Variants in ZNF568 observed in about 807,000 individuals in gnomAD.
The protein encoded by ZNF568 is zinc finger protein 568, also known as p53 inhibitor of SCO2 activation.
Under a neutral mutation model 18.1 loss-of-function variants are expected in ZNF568, and 11 were observed. The observed-to-expected ratio is 0.61, with a 90% CI of 0.38 to 1.00. ZNF568 has a LOEUF of 1.00. ZNF568 is among the 50% of genes least tolerant of loss of function. The probability of loss-of-function intolerance (pLI) is 0.01; values close to 1 mark genes in which losing one functional copy is unlikely to be tolerated. For synonymous variants in ZNF568, 213 were observed against 246.6 expected, an observed-to-expected ratio of 0.86 and a Z score of 1.28; for missense variants, 639 against 768.2, an observed-to-expected ratio of 0.83 and a Z score of 1.99.
intron 6 of ZNF568, among the ~76,000 whole-genome samples, chr19:36,958,291 G>T (rs1207014645): frequency 6.6e-6 from 1 of 152,104 alleles, no homozygotes; most frequent in Non-Finnish European, 1.5e-5. Context: ...TGGCCTCATA[G>T]ACTGAGTTAG....
At chr19:36,965,704 CTT>C (rs34377774) in intron 6 of ZNF568, among the ~76,000 whole-genome samples, 5 of 119,672 alleles carry the variant, frequency 4.2e-5, no homozygotes, top group Middle Eastern at 4.5e-3. Flanking sequence ...TGATCAAGGA[CTT>C]TTTTTTTTTT....
chr19:36,938,380 G>A (rs2073824531), intron 6 of ZNF568, among the ~76,000 whole-genome samples: 1 of 152,110 alleles, frequency 6.6e-6, no homozygotes. Context: ...CAGTGAGGTG[G>A]TAGGATATCA....
chr19:36,968,330 T>C (rs1404578523), intron 6 of ZNF568, among the ~76,000 whole-genome samples: 1 of 151,972 alleles, frequency 6.6e-6, no homozygotes, highest in African/African-American at 2.4e-5. Context: ...ATCCCAACAC[T>C]TTGGGAGGCC....
At chr19:36,976,587 A>G (rs2074286840) in intron 7 of ZNF568, among the ~76,000 whole-genome samples, 2 of 152,206 alleles carry the variant, frequency 1.3e-5, no homozygotes, top group Admixed American at 6.5e-5. Flanking sequence ...GAGGAAATCA[A>G]GTCACTCGCC....
chr19:36,949,408 C>T, intron 6 of ZNF568, 104 bp from the exon 7 acceptor site: 1 of 1,220,458 alleles, frequency 8.2e-7, no homozygotes, highest in Non-Finnish European at 1.1e-6. Flanking sequence ...GTTGACTAGG[C>T]CAACATCAAA....
At chr19:36,954,948 C>T (rs572494582), downstream of ZNF568, among the ~76,000 whole-genome samples, 140 of 150,730 alleles carry the variant, frequency 9.3e-4, no homozygotes, top group Admixed American at 1.5e-3. Context: ...AGCATGATCT[C>T]GGTTCACTGC....
downstream of ZNF568, among the ~76,000 whole-genome samples, chr19:36,980,959 G>C (rs2074326559): frequency 6.6e-6 from 1 of 152,100 alleles, no homozygotes; most frequent in Non-Finnish European, 1.5e-5. Flanking sequence ...TAACAGACGT[G>C]GTCTTAGGGG....
chr19:36,985,685 G>T (rs900715368), intron 2 of ZNF568, among the ~76,000 whole-genome samples: 1 of 152,052 alleles, frequency 6.6e-6, no homozygotes. Context: ...ACCATGCCCG[G>T]CTAATTTTTG....
chr19:36,950,539 T>A lies in ZNF568; in HGVS notation c.1386T>A (p.Ile462=), dbSNP rs200958624. Residue 462 remains isoleucine (I), a synonymous_variant, in exon 7 of 7, where the codon ATT becomes ATA. Transcript: ENST00000333987. ...GKAFSRKENL[I]THQKIHTGEK... ...CCTTCAGCAGGAAAGAAAATCTCAT[T>A]ACACATCAGAAAATTCACACTGGAG... 2 of 1,613,498 alleles carry A rather than the reference T, an allele frequency of 1.2e-6. No individual in the cohort carries two copies. The highest frequency in any genetic ancestry group is 2.7e-5 in the African/African-American group (2 of 74,912).
chr19:36,927,613 G>C (rs184790154), intron 4 of ZNF568, among the ~76,000 whole-genome samples: 1 of 150,962 alleles, frequency 6.6e-6, no homozygotes, highest in African/African-American at 2.4e-5. Context: ...CTTTATATGG[G>C]CAATGATTTC....
chr19:36,950,332 T>C lies in ZNF568; in HGVS notation c.1179T>C (p.Asn393=), dbSNP rs1239662872. Residue 393 remains asparagine, a synonymous_variant, in exon 7 of 7, where the codon AAT becomes AAC. Transcript: ENST00000333987. ...CAGGGGAGAAACCCTATAAATGTAA[T>C]AAATGTGGAAAAGCTTTCTCTCAAT... ...SHTGEKPYKC[N]KCGKAFSQCS... 5 of 1,613,662 alleles carry C rather than the reference T, an allele frequency of 3.1e-6. No individual in the cohort carries two copies. In the African/African-American group the frequency reaches 6.7e-5, roughly 22 times the overall value.
intron 3 of ZNF568, among the ~76,000 whole-genome samples, chr19:36,923,413 C>A (rs930898369): frequency 6.6e-6 from 1 of 151,964 alleles, no homozygotes; most frequent in Non-Finnish European, 1.5e-5. Context: ...TAAGCATTTT[C>A]TTTTGGGCTA....
intron 6 of ZNF568, among the ~76,000 whole-genome samples, chr19:36,968,133 C>G (rs919703905): frequency 6.6e-6 from 1 of 152,062 alleles, no homozygotes; most frequent in African/African-American, 2.4e-5. Flanking sequence ...TGTGTGTCAA[C>G]TGTACACCAT....
downstream of ZNF568, among the ~76,000 whole-genome samples, chr19:36,980,627 T>A (rs1387567591): frequency 6.6e-6 from 1 of 152,200 alleles, no homozygotes; most frequent in South Asian, 2.1e-4. Flanking sequence ...AAAGCTGTTA[T>A]ATTCACAGTC....
intron 5 of ZNF568, 101 bp downstream of exon 5, chr19:36,936,973 C>T: frequency 6.8e-7 from 1 of 1,470,542 alleles, no homozygotes; most frequent in Non-Finnish European, 9.3e-7. Flanking sequence ...CCTTTCCTTT[C>T]TCCATGTGAC....
chr19:36,986,048 G>A (rs1028902533), intron 2 of ZNF568, among the ~76,000 whole-genome samples: 2 of 152,154 alleles, frequency 1.3e-5, no homozygotes, highest in South Asian at 2.1e-4. Flanking sequence ...CAGGAGCCCT[G>A]CCAAACCAGG....
chr19:36,952,080 C>T lies in ZNF568; in HGVS notation c.*992C>T. On this transcript the variant is annotated 3_prime_UTR_variant, in exon 7 of 7. Transcript: ENST00000333987. ...TCAAGACAAAAGGACTCTGTAATTCCACTTCTAGGTATATATACATCCTAT... is the reference window on the plus strand; with the variant it reads ...TCAAGACAAAAGGACTCTGTAATTCTACTTCTAGGTATATATACATCCTAT... 1.1e-6 allele frequency: 1 copy of T among 876,004 alleles called. No individual in the cohort carries two copies. The highest frequency in any genetic ancestry group is 3.1e-5 in the African/African-American group (1 of 32,584). The allele number at this position is 876,004 out of a possible 1,614,324, so 54.3% of individuals were successfully genotyped here.
chr19:36,952,916 T>C (rs2074079387), downstream of ZNF568, among the ~76,000 whole-genome samples: 1 of 152,222 alleles, frequency 6.6e-6, no homozygotes, highest in Non-Finnish European at 1.5e-5. Context: ...TATTATATAA[T>C]GTGAAATTAG....
chr19:36,982,688 A>T (rs969845077), downstream of ZNF568, among the ~76,000 whole-genome samples: 24 of 152,320 alleles, frequency 1.6e-4, no homozygotes, highest in African/African-American at 5.5e-4. Context: ...CCTGGGTGAC[A>T]AGAGCAAAAT....
Sources: gnomAD v4.1 joint callset for allele counts (sites outside exome capture counted in the v4.1 genomes callset) on GRCh38, gnomAD v4.1.1 for gene constraint, MANE v1.5 for transcripts, NCBI Gene and HGNC (gene_info 2026-07-23, HGNC 2026-07-21) for gene names.